KDM2A: variants seen among roughly 807,000 people sequenced by gnomAD.
KDM2A encodes lysine-specific demethylase 2A.
Under a neutral mutation model 137.3 loss-of-function variants are expected in KDM2A, and 3 were observed. The ratio of observed to expected loss-of-function variants is 0.02; its 90% CI spans 0.01 to 0.06. KDM2A has a LOEUF of 0.06. Ranked by LOEUF, KDM2A falls within the 10% of genes least tolerant of loss-of-function variation. The pLI is 1.00. For synonymous variants in KDM2A, 512 were observed against 541.5 expected (o/e 0.95, Z 0.76); for missense variants, 738 against 1,510.6 (o/e 0.49, Z 8.48).
chr11:67,161,739 C>T (rs982986414), intron 2 of KDM2A, among the ~76,000 whole-genome samples: 1 of 152,126 alleles, frequency 6.6e-6, no homozygotes, highest in Non-Finnish European at 1.5e-5. Flanking sequence ...GAAGTCAAAA[C>T]TATTTTCATA....
At chr11:67,240,330 C>T (rs951338583) in intron 12 of KDM2A, 215 of 1,535,466 alleles carry the variant, frequency 1.4e-4, no homozygotes, top group Non-Finnish European at 1.7e-4. Flanking sequence ...GGAAACTTCA[C>T]CAAGAGCCTC....
intron 6 of KDM2A, among the ~76,000 whole-genome samples, chr11:67,212,954 A>C (rs759528906): frequency 2.3e-4 from 35 of 152,214 alleles, no homozygotes; most frequent in Admixed American, 3.9e-4. Flanking sequence ...AGTAAATTTT[A>C]TTTGAAGGAA....
intron 5 of KDM2A, among the ~76,000 whole-genome samples, chr11:67,198,379 C>T (rs1187555339): frequency 6.6e-5 from 10 of 151,684 alleles, no homozygotes; most frequent in Non-Finnish European, 1.0e-4. Context: ...AGTCTGTAGC[C>T]GCCATTTTTC....
At chr11:67,218,090 A>G (rs1404290524) in intron 9 of KDM2A, among the ~76,000 whole-genome samples, 6 of 152,168 alleles carry the variant, frequency 3.9e-5, no homozygotes, top group Admixed American at 3.9e-4. Flanking sequence ...AAAGTATATG[A>G]GAATTGCCAG....
At chr11:67,150,667 A>G (rs1856363890) in intron 2 of KDM2A, among the ~76,000 whole-genome samples, 1 of 152,168 alleles carries the variant, frequency 6.6e-6, no homozygotes, top group African/African-American at 2.4e-5. Flanking sequence ...TATGTCAGAC[A>G]TGATCTCTCT....
intron 2 of KDM2A, among the ~76,000 whole-genome samples, chr11:67,158,667 C>G (rs1014209763): frequency 5.9e-5 from 9 of 152,026 alleles, no homozygotes; most frequent in African/African-American, 1.9e-4. Flanking sequence ...TTTCTTTTTT[C>G]TTTTTTTGAA....
At position 67,245,465 on chromosome 11, in the gene KDM2A, G is replaced by A. The variant is rs1223516382; in HGVS notation, c.1833+7G>A. On this transcript the variant is annotated splice_region_variant and intron_variant, in intron 14 of 20. Transcript: ENST00000529006. The surrounding 1 kb of genome is among the most constrained non-coding windows in gnomAD (Gnocchi z 4.1). ...CCTCCGACAGTGCTTGGCAGTGAGT[G>A]ATCTGCTGGGTAAAGAATTTTGGGG... The A allele has an allele frequency of 1.2e-6, 2 of 1,611,894 alleles. No homozygotes were observed. Among genetic ancestry groups the A allele is most frequent in the African/African-American group, 1.3e-5 (1 of 74,994 alleles).
chr11:67,133,661 C>T (rs56173916), intron 2 of KDM2A, among the ~76,000 whole-genome samples: 3,611 of 151,916 alleles, frequency 0.024, 137 homozygotes, highest in African/African-American at 0.081. Flanking sequence ...CCTCGGCCTC[C>T]CAAAGTGCTG....
chr11:67,185,006 C>G (rs1038579652), intron 5 of KDM2A, among the ~76,000 whole-genome samples: 1 of 151,954 alleles, frequency 6.6e-6, no homozygotes, highest in African/African-American at 2.4e-5. Flanking sequence ...GGAAAAAAAT[C>G]AACAGAAAAT....
At chr11:67,209,678 A>G (rs1327469760) in intron 6 of KDM2A, among the ~76,000 whole-genome samples, 1 of 152,156 alleles carries the variant, frequency 6.6e-6, no homozygotes, top group Non-Finnish European at 1.5e-5. Flanking sequence ...CCCTGACCTC[A>G]GGTGATCCAC....
intron 12 of KDM2A, among the ~76,000 whole-genome samples, chr11:67,241,835 G>A (rs906004982): frequency 1.3e-5 from 2 of 152,154 alleles, no homozygotes; most frequent in Non-Finnish European, 1.5e-5. Flanking sequence ...TTGGGAGGCC[G>A]AGGCAAGCGG....
At chr11:67,134,095 A>G (rs1052530482) in intron 2 of KDM2A, among the ~76,000 whole-genome samples, 4 of 152,222 alleles carry the variant, frequency 2.6e-5, no homozygotes, top group Non-Finnish European at 5.9e-5. Flanking sequence ...ACTAAGGTAG[A>G]CTTTGGGATT....
At chr11:67,219,104 G>C (rs908980760) in intron 9 of KDM2A, among the ~76,000 whole-genome samples, 184 bp from the exon 10 acceptor site, 1 of 152,222 alleles carries the variant, frequency 6.6e-6, no homozygotes, top group African/African-American at 2.4e-5. Context: ...GCAACCATAA[G>C]AGGTATTATT....
At chr11:67,144,823 C>T (rs953458351) in intron 2 of KDM2A, among the ~76,000 whole-genome samples, 17 of 147,690 alleles carry the variant, frequency 1.2e-4, no homozygotes, top group African/African-American at 4.3e-4. Flanking sequence ...GCTTCAGCCT[C>T]CCAAAGTGCT....
rs1251372320 is a variant in KDM2A at position 67,154,663 on chromosome 11, T to A, written c.43-25416T>A. 2.6e-5 allele frequency among the ~76,000 whole-genome samples: 4 copies of A among 152,256 alleles called. No homozygotes were observed. The East Asian group carries it at 7.7e-4, about 29-fold the overall frequency. ...CATGTTGGCCAGGCTAGTCTCGAAC[T>A]CTTGGCCTCAGGTGATCCACCTGCC... On this transcript the variant is annotated intron_variant, in intron 2 of 20. Transcript: ENST00000529006.
chr11:67,139,732 C>CA (rs1374833066), intron 2 of KDM2A, among the ~76,000 whole-genome samples: 1 of 151,810 alleles, frequency 6.6e-6, no homozygotes, highest in Non-Finnish European at 1.5e-5. Context: ...TTTTTTGAGA[C>CA]AGAGTCTCGC....
chr11:67,208,870 G>A (rs1179970662), intron 6 of KDM2A, among the ~76,000 whole-genome samples: 3 of 151,870 alleles, frequency 2.0e-5, no homozygotes, highest in Non-Finnish European at 4.4e-5. Flanking sequence ...CTTGAGGCCA[G>A]TAGTTCAAGA....
Position 67,245,814 on chromosome 11 carries a change from C to CAGA in KDM2A, c.1834-171_1834-170insAGA. On this transcript the variant is annotated intron_variant, in intron 14 of 20. Coordinates refer to ENST00000529006, the MANE Select transcript of KDM2A (RefSeq NM_012308.3). This position sits in a 1 kb window ranked among gnomAD's most constrained non-coding sequence, Gnocchi z 4.1. Reference sequence around the variant, plus strand: ...GCCCAGGTGGTTGAGTCCTCCTCTTCCCCAGTCATTTTTCCTACCCAAAAC... The same window carrying CAGA: ...GCCCAGGTGGTTGAGTCCTCCTCTTCAGACCCAGTCATTTTTCCTACCCAAAAC... The CAGA allele has an allele frequency of 1.3e-6, 1 of 742,900 alleles. No individual in the cohort carries two copies. Among genetic ancestry groups the CAGA allele is most frequent in the Non-Finnish European group, 2.1e-6 (1 of 468,742 alleles). 46.0% of individuals were successfully genotyped at this position (742,900 alleles called of 1,614,324 possible).
At chr11:67,167,412 G>C (rs1190409422) in intron 2 of KDM2A, among the ~76,000 whole-genome samples, 1 of 152,166 alleles carries the variant, frequency 6.6e-6, no homozygotes, top group Non-Finnish European at 1.5e-5. Flanking sequence ...CTCATTTCTT[G>C]ACCAATTAGT....
Sources: gnomAD v4.1 joint callset for allele counts (sites outside exome capture counted in the v4.1 genomes callset) on GRCh38, gnomAD v4.1.1 for gene constraint, Gnocchi (gnomAD v3.1) non-coding constraint, MANE v1.5 for transcripts, NCBI Gene and HGNC (gene_info 2026-07-23, HGNC 2026-07-21) for gene names.